CTNNA3: variants seen among roughly 807,000 people sequenced by gnomAD.
CTNNA3 encodes the protein catenin alpha-3.
Under a neutral mutation model 95.7 loss-of-function variants are expected in CTNNA3, and 76 were observed. The ratio of observed to expected loss-of-function variants is 0.79; its 90% CI spans 0.66 to 0.96. The LOEUF is 0.96. CTNNA3 is among the 40% of genes least tolerant of loss of function. CTNNA3 has a pLI of 0.00. For missense variants in CTNNA3, 1,191 were observed against 1,089.8 expected (o/e 1.09, Z -1.31); for synonymous variants, 431 against 374.4 (o/e 1.15, Z -1.74).
chr10:67,699,676 C>T (rs1297789931), upstream of CTNNA3, among the ~76,000 whole-genome samples: 1 of 152,210 alleles, frequency 6.6e-6, no homozygotes, highest in Non-Finnish European at 1.5e-5. Context: ...CTCCGGTCTA[C>T]AGCTCCCAGC....
At chr10:66,372,873 G>T (rs376144296) in intron 12 of CTNNA3, among the ~76,000 whole-genome samples, 28 of 152,150 alleles carry the variant, frequency 1.8e-4, no homozygotes, top group African/African-American at 6.5e-4. Flanking sequence ...ACCTCCCACT[G>T]GGTCCCTCCC....
intron 11 of CTNNA3, among the ~76,000 whole-genome samples, chr10:66,414,427 G>C (rs1226926458): frequency 1.3e-5 from 2 of 152,104 alleles, no homozygotes. Flanking sequence ...CCCAATAGAG[G>C]GAAACGGTAG....
At chr10:66,584,044 AACTT>A (rs1843281167) in intron 10 of CTNNA3, among the ~76,000 whole-genome samples, 1 of 151,818 alleles carries the variant, frequency 6.6e-6, no homozygotes, top group African/African-American at 2.4e-5. Context: ...TCTGACAAGA[AACTT>A]AATATGATTT....
chr10:66,864,378 C>T (rs1844078215), intron 7 of CTNNA3, among the ~76,000 whole-genome samples: 1 of 152,104 alleles, frequency 6.6e-6, no homozygotes, highest in South Asian at 2.1e-4. Context: ...ACTCTCCTCC[C>T]CTTCCACCTT....
At chr10:67,411,002 A>T (rs1361305067) in intron 5 of CTNNA3, among the ~76,000 whole-genome samples, 2 of 152,174 alleles carry the variant, frequency 1.3e-5, no homozygotes, top group South Asian at 2.1e-4. Context: ...CAGAAAAGTC[A>T]AACTCATAGA....
At chr10:66,608,319 C>T (rs921600409) in intron 10 of CTNNA3, among the ~76,000 whole-genome samples, 2 of 152,054 alleles carry the variant, frequency 1.3e-5, no homozygotes, top group South Asian at 2.1e-4. Context: ...AATGGCGAAA[C>T]GTCCCATGCT....
intron 5 of CTNNA3, among the ~76,000 whole-genome samples, chr10:67,514,759 A>ATTTTTTTTTTTTTTT: frequency 6.8e-6 from 1 of 148,112 alleles, no homozygotes; most frequent in Non-Finnish European, 1.5e-5. Flanking sequence ...TCCTATCAGC[A>ATTTTTTTTTTTTTTT]TTGTAAATTT....
At chr10:65,990,989 G>C (rs1378732405) in intron 15 of CTNNA3, among the ~76,000 whole-genome samples, 1 of 152,036 alleles carries the variant, frequency 6.6e-6, no homozygotes, top group Non-Finnish European at 1.5e-5. Flanking sequence ...TGATTATCCT[G>C]TTTTCCCAGC....
intron 11 of CTNNA3, among the ~76,000 whole-genome samples, chr10:66,513,760 T>C (rs1469899251): frequency 6.6e-6 from 1 of 152,180 alleles, no homozygotes; most frequent in Non-Finnish European, 1.5e-5. Flanking sequence ...AAGGTCACTG[T>C]CATCAGGGAA....
At chr10:67,097,564 TTTCTC>T (rs1564888637) in intron 7 of CTNNA3, 1 of 1,605,236 alleles carries the variant, frequency 6.2e-7, no homozygotes, top group East Asian at 2.2e-5. Context: ...ATAACTGACT[TTTCTC>T]ATGTCATTTT....
intron 13 of CTNNA3, among the ~76,000 whole-genome samples, chr10:66,209,606 A>G (rs1282605506): frequency 6.6e-6 from 1 of 152,184 alleles, no homozygotes; most frequent in Non-Finnish European, 1.5e-5. Flanking sequence ...AATAAACAAA[A>G]TAGAGTAGAA....
At chr10:66,909,476 T>G (rs979373548) in intron 7 of CTNNA3, among the ~76,000 whole-genome samples, 14 of 151,420 alleles carry the variant, frequency 9.2e-5, no homozygotes, top group African/African-American at 2.9e-4. Flanking sequence ...ACCATTACAC[T>G]CCAGCCTGGG....
chr10:67,753,775 C>G (rs769908143), intron 1 of CTNNA3, among the ~76,000 whole-genome samples: 2 of 152,154 alleles, frequency 1.3e-5, no homozygotes, highest in Non-Finnish European at 2.9e-5. Flanking sequence ...GATACCATCT[C>G]ATGAGTCAGA....
In CTNNA3 at chr10:67,430,820, TACACACAC is replaced by T. The variant is rs371146065; in HGVS notation, c.579+91014_579+91021del. Among the ~76,000 whole-genome samples, 138 of 138,862 alleles carry T rather than the reference TACACACAC, an allele frequency of 9.9e-4. 1 individual carries two copies. Among genetic ancestry groups the T allele is most frequent in the African/African-American group, 3.3e-3 (126 of 37,802 alleles). 91.1% of individuals were successfully genotyped at this position (138,862 alleles called of 152,430 possible). On this transcript the variant is annotated intron_variant, in intron 5 of 17. Coordinates refer to ENST00000433211, the MANE Select transcript of CTNNA3 (RefSeq NM_013266.4). ...TGAATGAGCATGACTCAAACATAAC[TACACACAC>T]ACACACACACACACACACACACACA... is the stretch of plus-strand genomic sequence containing the variant.
chr10:66,398,829 C>G (rs2092999093), intron 11 of CTNNA3, among the ~76,000 whole-genome samples: 5 of 152,008 alleles, frequency 3.3e-5, no homozygotes, highest in Admixed American at 3.3e-4. Flanking sequence ...CCTCCACTGT[C>G]AGACCATCTA....
At chr10:66,855,347 A>G (rs1309786978) in intron 7 of CTNNA3, among the ~76,000 whole-genome samples, 1 of 151,972 alleles carries the variant, frequency 6.6e-6, no homozygotes, top group Non-Finnish European at 1.5e-5. Context: ...ATTCCCAAGG[A>G]TTTCTCAAGC....
intron 7 of CTNNA3, among the ~76,000 whole-genome samples, chr10:67,005,686 T>TTTTTTTTTTTGTTTG (rs1851932926): frequency 4.0e-5 from 4 of 101,152 alleles, no homozygotes; most frequent in African/African-American, 1.3e-4. Flanking sequence ...CTCCATCTTT[T>TTTTTTTTTTTGTTTG]TTTTTTTTTT....
chr10:66,230,632 TG>T (rs1010962436), intron 13 of CTNNA3, among the ~76,000 whole-genome samples: 6 of 152,064 alleles, frequency 3.9e-5, no homozygotes, highest in African/African-American at 9.7e-5. Flanking sequence ...AGATTGCCTG[TG>T]GCGGTGACAG....
intron 9 of CTNNA3, among the ~76,000 whole-genome samples, chr10:66,637,567 G>A (rs1456867948): frequency 6.6e-6 from 1 of 152,218 alleles, no homozygotes; most frequent in Non-Finnish European, 1.5e-5. Flanking sequence ...CTCAGCCTCT[G>A]AAGAAAGAAA....
Sources: gnomAD v4.1 joint callset for allele counts (sites outside exome capture counted in the v4.1 genomes callset) on GRCh38, gnomAD v4.1.1 for gene constraint, MANE v1.5 for transcripts, NCBI Gene and HGNC (gene_info 2026-07-23, HGNC 2026-07-21) for gene names.